Variants in CWC27 observed in about 807,000 individuals in gnomAD.
The protein encoded by CWC27 is spliceosome-associated protein CWC27 homolog.
CWC27 carries 47 observed loss-of-function variants against 63.6 expected under a neutral mutation model. That is an observed-to-expected ratio of 0.74 (90% CI 0.58 to 0.94). The LOEUF is 0.94. Among genes scored for constraint, CWC27 ranks in the 40% least tolerant of loss-of-function variants. The pLI, the probability that CWC27 is intolerant of heterozygous loss-of-function variation, is 0.00. For synonymous variants in CWC27, 175 were observed against 179.8 expected, an observed-to-expected ratio of 0.97 and a Z score of 0.22; for missense variants, 495 against 554.3, an observed-to-expected ratio of 0.89 and a Z score of 1.07.
At chr5:65,006,289 T>C (rs1167206542) in intron 13 of CWC27, among the ~76,000 whole-genome samples, 3 of 152,256 alleles carry the variant, frequency 2.0e-5, no homozygotes, top group South Asian at 2.1e-4. Flanking sequence ...ATTTGTAAAA[T>C]GGAATACAGG....
chr5:64,776,116 A>AGAGAGAGAGAGAGAGAGG (rs1743441952), intron 2 of CWC27, among the ~76,000 whole-genome samples: 1 of 99,118 alleles, frequency 1.0e-5, no homozygotes, highest in Non-Finnish European at 2.1e-5. Context: ...AGAGAGAGAG[A>AGAGAGAGAGAGAGAGAGG]GAGAGAATGA....
intron 2 of CWC27, among the ~76,000 whole-genome samples, chr5:64,777,217 G>T (rs1323005643): frequency 6.6e-6 from 1 of 151,954 alleles, no homozygotes; most frequent in African/African-American, 2.4e-5. Flanking sequence ...CATCATTCTT[G>T]TCTCATCATG....
At chr5:64,812,290 T>C (rs758239979) in intron 10 of CWC27, among the ~76,000 whole-genome samples, 5 of 152,064 alleles carry the variant, frequency 3.3e-5, no homozygotes, top group Non-Finnish European at 5.9e-5. Flanking sequence ...ATTCAAACCA[T>C]TGAAATTATC....
chr5:64,885,220 T>C (rs1008401494), intron 10 of CWC27, among the ~76,000 whole-genome samples: 1 of 152,140 alleles, frequency 6.6e-6, no homozygotes, highest in Non-Finnish European at 1.5e-5. Context: ...TGATAGGGGG[T>C]ATATTTTATA....
At chr5:64,842,040 A>C (rs1157700041) in intron 10 of CWC27, among the ~76,000 whole-genome samples, 3 of 152,198 alleles carry the variant, frequency 2.0e-5, no homozygotes, top group Non-Finnish European at 4.4e-5. Context: ...CTACAGACCT[A>C]ATACAGCCTG....
At chr5:64,840,388 AAAAAAAATATATATATATATAT>A (rs1745789486) in intron 10 of CWC27, among the ~76,000 whole-genome samples, 3 of 45,362 alleles carry the variant, frequency 6.6e-5, no homozygotes, top group African/African-American at 3.0e-4. Flanking sequence ...AAAAAAAAAA[AAAAAAAATATATATATATATAT>A]ATATATATAT....
intron 11 of CWC27, among the ~76,000 whole-genome samples, chr5:64,902,147 A>T (rs1374617322): frequency 6.6e-6 from 1 of 152,192 alleles, no homozygotes; most frequent in Non-Finnish European, 1.5e-5. Context: ...ACATATAGTC[A>T]TTTATTGTTA....
rs552655146 is a variant in CWC27, at chr5:64,851,213, T to G, written c.939-34230T>G. 3.3e-5 allele frequency among the ~76,000 whole-genome samples: 5 copies of G among 152,326 alleles called. No homozygotes were observed. In the South Asian group the frequency reaches 1.0e-3, roughly 32 times the overall value. The stretch of plus-strand genomic sequence containing the variant: ...TATTGTGTATGCACAACGGAATACT[T>G]TTCAGCTTTGCAAAAGAAGGAAATT... On this transcript the variant is annotated intron_variant, in intron 10 of 13. Coordinates refer to ENST00000381070, the MANE Select transcript of CWC27 (RefSeq NM_005869.4).
intron 11 of CWC27, among the ~76,000 whole-genome samples, chr5:64,910,362 G>A (rs1003083574): frequency 2.6e-5 from 4 of 152,166 alleles, no homozygotes; most frequent in East Asian, 3.8e-4. Context: ...GGTGTCAGTC[G>A]GCCCCTACTG....
At chr5:64,789,883 G>A (rs1744014618) in intron 7 of CWC27, among the ~76,000 whole-genome samples, 1 of 151,956 alleles carries the variant, frequency 6.6e-6, no homozygotes, top group Non-Finnish European at 1.5e-5. Context: ...AGCCTTACTT[G>A]CTTAACATAA....
intron 13 of CWC27, among the ~76,000 whole-genome samples, chr5:64,996,532 A>G (rs970937948): frequency 6.6e-6 from 1 of 152,178 alleles, no homozygotes; most frequent in African/African-American, 2.4e-5. Flanking sequence ...TATAAGCTAG[A>G]AAGTGTTGTT....
At position 65,015,504 on chromosome 5, in the gene CWC27, G is replaced by A. The variant is rs144301428; in HGVS notation, c.1257-2655G>A. ...CAGCCAGCCCGTAAGCACTTGGAAC[G>A]CTGCTGCTAAGCATGTACTGAAGTG... On this transcript the variant is annotated intron_variant, in intron 13 of 13. Coordinates refer to ENST00000381070, the MANE Select transcript of CWC27 (RefSeq NM_005869.4). Among the ~76,000 whole-genome samples, 11 of 152,292 alleles carry A rather than the reference G, an allele frequency of 7.2e-5. No homozygotes were observed. The East Asian group carries it at 2.1e-3, about 29-fold the overall frequency.
intron 13 of CWC27, among the ~76,000 whole-genome samples, chr5:65,014,383 C>T (rs1750015944): frequency 6.7e-6 from 1 of 148,454 alleles, no homozygotes; most frequent in African/African-American, 2.5e-5. Context: ...TTTATATATA[C>T]ACTATATATA....
intron 11 of CWC27, among the ~76,000 whole-genome samples, chr5:64,887,971 C>T (rs1747116928): frequency 6.6e-6 from 1 of 152,040 alleles, no homozygotes; most frequent in Non-Finnish European, 1.5e-5. Context: ...TAAAATATTG[C>T]TCCTAATAGC....
intron 10 of CWC27, among the ~76,000 whole-genome samples, chr5:64,810,000 T>C (rs1580628138): frequency 6.8e-6 from 1 of 146,638 alleles, no homozygotes; most frequent in East Asian, 1.9e-4. Context: ...TTCCCGCCTC[T>C]TTTTTTTTTC....
intron 10 of CWC27, among the ~76,000 whole-genome samples, chr5:64,840,962 A>G (rs946902687): frequency 6.6e-5 from 10 of 152,220 alleles, no homozygotes; most frequent in Non-Finnish European, 1.5e-4. Context: ...TGCTATAGCT[A>G]TCTCAATTAG....
chr5:64,939,966 C>T (rs1260299289), intron 11 of CWC27, among the ~76,000 whole-genome samples: 1 of 152,202 alleles, frequency 6.6e-6, no homozygotes, highest in Non-Finnish European at 1.5e-5. Flanking sequence ...CGTCCCTTCC[C>T]CCACCAAGCT....
intron 13 of CWC27, among the ~76,000 whole-genome samples, chr5:64,983,313 A>T (rs930227449): frequency 6.6e-6 from 1 of 152,230 alleles, no homozygotes; most frequent in Admixed American, 6.5e-5. Flanking sequence ...ATCTGGCATG[A>T]TAGGAGCATA....
At chr5:64,807,786 G>C (rs1440525281) in intron 10 of CWC27, 1 of 1,535,184 alleles carries the variant, frequency 6.5e-7, no homozygotes, top group Non-Finnish European at 8.7e-7. Context: ...TCACCTGGCT[G>C]CTTGTTTTTT....
Sources: allele counts gnomAD v4.1 joint callset (sites outside exome capture counted in the v4.1 genomes callset), GRCh38; gene constraint gnomAD v4.1.1; transcripts MANE v1.5; gene names NCBI Gene and HGNC (gene_info 2026-07-23, HGNC 2026-07-21).